The following DCC variants were observed in gnomAD, a reference collection of about 807,000 sequenced individuals.
DCC encodes DCC netrin 1 receptor.
Under a neutral mutation model 172.5 loss-of-function variants are expected in DCC, and 58 were observed. That is an observed-to-expected ratio of 0.34 (90% CI 0.27 to 0.42). DCC has a LOEUF of 0.42. Ranked by LOEUF, DCC falls within the 10% of genes least tolerant of loss-of-function variation. The pLI, the probability that DCC is intolerant of heterozygous loss-of-function variation, is 1.00. For missense variants in DCC, 1,740 were observed against 1,791.0 expected (o/e 0.97, Z 0.51); for synonymous variants, 709 against 644.5 (o/e 1.10, Z -1.52).
In DCC at chr18:52,972,871, G is replaced by A. The variant is rs181253923; in HGVS notation, c.985+47501G>A. Among the ~76,000 whole-genome samples the A allele has an allele frequency of 1.2e-4, 18 of 152,284 alleles. 1 individual carries two copies. The highest frequency in any genetic ancestry group is 8.3e-4 in the South Asian group (4 of 4,822). On this transcript the variant is annotated intron_variant, in intron 5 of 28. Coordinates refer to ENST00000442544, the MANE Select transcript of DCC (RefSeq NM_005215.4). The stretch of plus-strand genomic sequence containing the variant: ...ACATTACCCTCAGAGACACATCACT[G>A]AATACAGTTTTGAATGGTTCCATGC...
At chr18:52,769,926 C>T (rs2037313134) in intron 2 of DCC, among the ~76,000 whole-genome samples, 2 of 152,254 alleles carry the variant, frequency 1.3e-5, no homozygotes. Context: ...GTGTTTATTT[C>T]TTTCCATGTC....
intron 24 of DCC, among the ~76,000 whole-genome samples, chr18:53,465,662 T>C (rs750541484): frequency 1.3e-5 from 2 of 152,166 alleles, no homozygotes; most frequent in Non-Finnish European, 2.9e-5. Context: ...AATAATTCTT[T>C]AAATATTTTT....
intron 21 of DCC, among the ~76,000 whole-genome samples, chr18:53,427,615 T>A (rs191328907): frequency 1.6e-3 from 245 of 151,428 alleles, no homozygotes; most frequent in Non-Finnish European, 2.9e-3. Flanking sequence ...TATCATCTTT[T>A]CTCACCTGAA....
intron 15 of DCC, among the ~76,000 whole-genome samples, chr18:53,363,776 C>A (rs2057973498): frequency 6.6e-6 from 1 of 152,074 alleles, no homozygotes; most frequent in Non-Finnish European, 1.5e-5. Flanking sequence ...GTGACTTGTA[C>A]CACAACTTTT....
intron 1 of DCC, among the ~76,000 whole-genome samples, chr18:52,556,217 A>G (rs1382686804): frequency 6.6e-6 from 1 of 152,118 alleles, no homozygotes; most frequent in East Asian, 1.9e-4. Context: ...GTGGTGCCCC[A>G]GAGGAGACTT....
At chr18:52,392,654 A>C (rs2144352971) in intron 1 of DCC, among the ~76,000 whole-genome samples, 1 of 152,164 alleles carries the variant, frequency 6.6e-6, no homozygotes, top group East Asian at 1.9e-4. Context: ...AACTTGTTGC[A>C]ATACTCCTGC....
chr18:52,786,337 G>T (rs1405825475), intron 2 of DCC, among the ~76,000 whole-genome samples: 1 of 151,884 alleles, frequency 6.6e-6, no homozygotes, highest in Non-Finnish European at 1.5e-5. Flanking sequence ...TTGATTACAG[G>T]AATAAGCAGG....
At chr18:53,224,587 A>C (rs1246073967) in intron 12 of DCC, among the ~76,000 whole-genome samples, 1 of 152,158 alleles carries the variant, frequency 6.6e-6, no homozygotes, top group African/African-American at 2.4e-5. Context: ...GCTCCATGTG[A>C]GATCATGTAG....
chr18:52,754,175 C>T (rs1322196739), intron 2 of DCC: 1 of 152,168 alleles, frequency 6.6e-6, no homozygotes, highest in Non-Finnish European at 1.5e-5. Context: ...CTCCTTCATG[C>T]ACTCTCCTAG....
At chr18:52,910,199 G>A (rs928657883) in intron 3 of DCC, among the ~76,000 whole-genome samples, 2 of 152,122 alleles carry the variant, frequency 1.3e-5, no homozygotes, top group Non-Finnish European at 2.9e-5. Context: ...CATATCACAT[G>A]TGGCTTATGG....
chr18:52,614,461 T>C (rs541684733), intron 1 of DCC, among the ~76,000 whole-genome samples: 1 of 152,170 alleles, frequency 6.6e-6, no homozygotes, highest in Non-Finnish European at 1.5e-5. Flanking sequence ...AAATATTAGG[T>C]TGGTACAAAA....
At chr18:53,347,061 C>G (rs954314469) in intron 15 of DCC, among the ~76,000 whole-genome samples, 2 of 152,120 alleles carry the variant, frequency 1.3e-5, no homozygotes, top group African/African-American at 4.8e-5. Context: ...CAAGTTTTAA[C>G]TCAGAATCAG....
At chr18:52,349,161 C>T (rs963170310) in intron 1 of DCC, among the ~76,000 whole-genome samples, 2 of 151,602 alleles carry the variant, frequency 1.3e-5, no homozygotes, top group South Asian at 2.1e-4. Flanking sequence ...TTCAAACAAA[C>T]GTATGTGCTT....
At chr18:52,780,027 A>G (rs1174200966) in intron 2 of DCC, among the ~76,000 whole-genome samples, 2 of 151,356 alleles carry the variant, frequency 1.3e-5, no homozygotes, top group Non-Finnish European at 2.9e-5. Flanking sequence ...GGGATTTCCA[A>G]TCTATGGATA....
At chr18:53,168,221 C>A (rs2054953860) in intron 8 of DCC, among the ~76,000 whole-genome samples, 1 of 152,066 alleles carries the variant, frequency 6.6e-6, no homozygotes. Flanking sequence ...TGGGTATATA[C>A]CCAAAGGATT....
chr18:52,414,207 A>G (rs1011324122), intron 1 of DCC, among the ~76,000 whole-genome samples: 5 of 152,120 alleles, frequency 3.3e-5, no homozygotes, highest in East Asian at 1.9e-4. Context: ...CAGCCCCCCA[A>G]GTAGCTGGGA....
At chr18:53,045,009 A>G (rs2042217917) in intron 5 of DCC, among the ~76,000 whole-genome samples, 1 of 151,560 alleles carries the variant, frequency 6.6e-6, no homozygotes, top group Non-Finnish European at 1.5e-5. Context: ...GTATATACAG[A>G]AACAAACAAG....
At chr18:53,288,949 G>A (rs1202514345) in intron 12 of DCC, among the ~76,000 whole-genome samples, 1 of 152,076 alleles carries the variant, frequency 6.6e-6, no homozygotes, top group Non-Finnish European at 1.5e-5. Context: ...GCCACATTCT[G>A]CAGATGGTTG....
intron 5 of DCC, among the ~76,000 whole-genome samples, chr18:52,951,901 A>G (rs1045630867): frequency 5.3e-5 from 8 of 152,216 alleles, no homozygotes; most frequent in African/African-American, 1.9e-4. Flanking sequence ...AATATAGGCA[A>G]GTGTAGAAAT....
Sources: allele counts gnomAD v4.1 joint callset (sites outside exome capture counted in the v4.1 genomes callset), GRCh38; gene constraint gnomAD v4.1.1; transcripts MANE v1.5; gene names NCBI Gene and HGNC (gene_info 2026-07-23, HGNC 2026-07-21).